PIBF1: variants seen among roughly 807,000 people sequenced by gnomAD.
PIBF1 encodes the protein progesterone-induced-blocking factor 1.
PIBF1 carries 90 observed loss-of-function variants against 112.5 expected under a neutral mutation model. The ratio of observed to expected loss-of-function variants is 0.80; its 90% CI spans 0.67 to 0.95. The LOEUF (loss-of-function observed/expected upper bound fraction) is 0.95, where lower values mean the gene tolerates loss of function less well. Among genes scored for constraint, PIBF1 ranks in the 40% least tolerant of loss-of-function variants. The pLI is 0.00. For missense variants in PIBF1, 915 were observed against 852.3 expected (o/e 1.07, Z -0.92); for synonymous variants, 301 against 288.6 (o/e 1.04, Z -0.44).
chr13:72,874,994 C>A (rs61967072), intron 10 of PIBF1, among the ~76,000 whole-genome samples: 3 of 152,044 alleles, frequency 2.0e-5, no homozygotes, highest in African/African-American at 4.8e-5. Flanking sequence ...TTAATACTTT[C>A]ATTTCTGGTC....
intron 10 of PIBF1, among the ~76,000 whole-genome samples, chr13:72,856,616 G>C (rs1463363634): frequency 1.3e-5 from 2 of 152,128 alleles, no homozygotes; most frequent in African/African-American, 2.4e-5. Context: ...TAATATCTGG[G>C]AATGTAAAAC....
chr13:72,928,006 C>CATATAT (rs34525341), intron 13 of PIBF1, among the ~76,000 whole-genome samples: 14 of 101,812 alleles, frequency 1.4e-4, no homozygotes, highest in African/African-American at 7.3e-4. Context: ...CATATATATA[C>CATATAT]ATATATATAC....
chr13:72,863,285 G>A (rs575278141), intron 10 of PIBF1, among the ~76,000 whole-genome samples: 1 of 152,260 alleles, frequency 6.6e-6, no homozygotes, highest in East Asian at 1.9e-4. Flanking sequence ...AATTGTAAAT[G>A]TGACAAACAC....
At chr13:72,796,822 T>C (rs2035222762) in intron 4 of PIBF1, among the ~76,000 whole-genome samples, 1 of 152,176 alleles carries the variant, frequency 6.6e-6, no homozygotes, top group South Asian at 2.1e-4. Context: ...TAATATTCCT[T>C]CTTACATCTT....
intron 17 of PIBF1, 85 bp from the exon 18 acceptor site, chr13:73,015,783 AC>A: frequency 1.7e-6 from 1 of 589,366 alleles, no homozygotes; most frequent in Non-Finnish European, 2.7e-6. Flanking sequence ...ACATAAAAAA[AC>A]CTCAATGTAT....
chr13:72,954,333 G>A (rs573114504), intron 14 of PIBF1, among the ~76,000 whole-genome samples: 30 of 152,310 alleles, frequency 2.0e-4, no homozygotes, highest in East Asian at 1.3e-3. Context: ...ATCCACCTGC[G>A]AAGCAGGGGC....
intron 14 of PIBF1, among the ~76,000 whole-genome samples, chr13:72,937,026 A>G (rs1028748282): frequency 7.2e-5 from 11 of 152,134 alleles, no homozygotes; most frequent in African/African-American, 1.9e-4. Context: ...TTTATTGTCA[A>G]ACTTTTACAG....
intron 5 of PIBF1, among the ~76,000 whole-genome samples, chr13:72,815,248 A>G (rs1438599773): frequency 6.6e-6 from 1 of 152,008 alleles, no homozygotes; most frequent in African/African-American, 2.4e-5. Flanking sequence ...GATTAAACAG[A>G]GTATATTCCA....
In PIBF1 at chr13:72,841,040, AAG is replaced by A. The variant is rs575797811; in HGVS notation, c.1223+5677_1223+5678del. Among the ~76,000 whole-genome samples, 124 of 152,356 alleles carry A rather than the reference AAG, an allele frequency of 8.1e-4. 2 individuals are homozygous for A. The South Asian group carries it at 0.013, about 16-fold the overall frequency. ...GAAGTTAAAGTATTGAGAGAAAAGAAAGAGAGTAGAAGATATAAAGACTTAAG... is the reference window on the plus strand; with the variant it reads ...GAAGTTAAAGTATTGAGAGAAAAGAAAGAGTAGAAGATATAAAGACTTAAG... On this transcript the variant is annotated intron_variant, in intron 9 of 17. Transcript: ENST00000326291.
At chr13:72,859,876 A>G (rs1276110340) in intron 10 of PIBF1, among the ~76,000 whole-genome samples, 6 of 152,228 alleles carry the variant, frequency 3.9e-5, no homozygotes, top group Non-Finnish European at 5.9e-5. Flanking sequence ...CCATAACTGC[A>G]AAAAGATTCA....
chr13:72,822,031 A>G (rs1225370818), intron 6 of PIBF1, 49 bp downstream of exon 6: 1 of 1,510,598 alleles, frequency 6.6e-7, no homozygotes, highest in East Asian at 2.4e-5. Flanking sequence ...TTTAGGGTGC[A>G]TCAAAGTCAC....
At chr13:72,919,618 G>T (rs1043333185) in intron 13 of PIBF1, among the ~76,000 whole-genome samples, 4 of 152,216 alleles carry the variant, frequency 2.6e-5, no homozygotes, top group Middle Eastern at 3.4e-3. Context: ...TAAAGGGAAA[G>T]GTCATATTCT....
At chr13:72,846,366 C>T (rs1459547557) in intron 9 of PIBF1, among the ~76,000 whole-genome samples, 2 of 152,146 alleles carry the variant, frequency 1.3e-5, no homozygotes, top group South Asian at 2.1e-4. Context: ...TGCTTCAAGT[C>T]ACCATTATCT....
At chr13:72,814,282 A>G (rs1838478885) in intron 5 of PIBF1, among the ~76,000 whole-genome samples, 1 of 152,002 alleles carries the variant, frequency 6.6e-6, no homozygotes, top group Non-Finnish European at 1.5e-5. Flanking sequence ...CTAAAAATAC[A>G]AAAATTAGCC....
chr13:72,842,923 G>A (rs754675743), intron 9 of PIBF1, among the ~76,000 whole-genome samples: 2 of 151,980 alleles, frequency 1.3e-5, no homozygotes, highest in Admixed American at 6.6e-5. Flanking sequence ...TGTTTACAAC[G>A]TGTGTTCACT....
intron 10 of PIBF1, among the ~76,000 whole-genome samples, chr13:72,862,969 C>T (rs1202197658): frequency 7.3e-5 from 11 of 151,514 alleles, no homozygotes; most frequent in African/African-American, 1.2e-4. Flanking sequence ...GAAGTAGAGG[C>T]GAAATAGCAG....
At chr13:72,917,646 G>T (rs2041148372) in intron 13 of PIBF1, among the ~76,000 whole-genome samples, 1 of 152,148 alleles carries the variant, frequency 6.6e-6, no homozygotes, top group Non-Finnish European at 1.5e-5. Context: ...TATCTTGTGA[G>T]ATAATGTTTA....
chr13:72,843,437 G>A lies in PIBF1; in HGVS notation c.1223+8069G>A, dbSNP rs1566346251. 1.3e-5 allele frequency among the ~76,000 whole-genome samples: 2 copies of A among 152,212 alleles called. 1 individual carries two copies. Among genetic ancestry groups the A allele is most frequent in the Non-Finnish European group, 2.9e-5 (2 of 68,034 alleles). ...CAGAATGCAGACTTTTTGAGACAGA[G>A]TTTTGCTCTTGTCGTCCAGGCTGGA... On this transcript the variant is annotated intron_variant, in intron 9 of 17. Coordinates refer to ENST00000326291, the MANE Select transcript of PIBF1 (RefSeq NM_006346.4).
intron 14 of PIBF1, among the ~76,000 whole-genome samples, chr13:72,935,485 A>G (rs1481419096): frequency 6.6e-6 from 1 of 152,196 alleles, no homozygotes; most frequent in East Asian, 1.9e-4. Flanking sequence ...CAGTTTTCTG[A>G]ATAAAGCTCA....
Sources: allele counts gnomAD v4.1 joint callset (sites outside exome capture counted in the v4.1 genomes callset), GRCh38; gene constraint gnomAD v4.1.1; transcripts MANE v1.5; gene names NCBI Gene and HGNC (gene_info 2026-07-23, HGNC 2026-07-21).